REV3L: variants seen among roughly 807,000 people sequenced by gnomAD.
REV3L encodes the protein REV3 like, DNA directed polymerase zeta catalytic subunit, also known as DNA polymerase zeta catalytic subunit.
REV3L carries 69 observed loss-of-function variants against 299.4 expected under a neutral mutation model. The ratio of observed to expected loss-of-function variants is 0.23; its 90% confidence interval spans 0.19 to 0.28. The LOEUF is 0.28. Ranked by LOEUF, REV3L falls within the 10% of genes least tolerant of loss-of-function variation. The pLI is 1.00. For synonymous variants in REV3L, 1,238 were observed against 1,271.4 expected (o/e 0.97, Z 0.56); for missense variants, 3,128 against 3,693.8 (o/e 0.85, Z 3.97).
chr6:111,343,725 T>G (rs1004539864), intron 21 of REV3L, among the ~76,000 whole-genome samples, 200 bp downstream of exon 21: 1 of 152,178 alleles, frequency 6.6e-6, no homozygotes, highest in African/African-American at 2.4e-5. Flanking sequence ...AGATGGGGTT[T>G]CACCATGTTG....
intron 1 of REV3L, among the ~76,000 whole-genome samples, chr6:111,417,096 A>G (rs1784854391): frequency 6.6e-6 from 1 of 152,156 alleles, no homozygotes; most frequent in Non-Finnish European, 1.5e-5. Flanking sequence ...TAAATTTTAT[A>G]TTTGGTGGTA....
chr6:111,374,765 GTC>G lies in REV3L; in HGVS notation c.3588_3589del (p.Gln1196HisfsTer3). The G allele has an allele frequency of 6.2e-7, 1 of 1,611,792 alleles. No homozygotes were observed. The highest frequency in any genetic ancestry group is 8.5e-7 in the Non-Finnish European group (1 of 1,179,382). ...TTTTCCATCATCTACTAGTTTATTT[GTC>G]TGATTTCGTTTGTTCCTTTTCTTAG... On this transcript the variant is annotated frameshift_variant, in exon 13 of 32. Transcript: ENST00000368802. LOFTEE classifies it high-confidence loss of function.
At chr6:111,363,674 T>G (rs1015258768) in intron 16 of REV3L, among the ~76,000 whole-genome samples, 179 bp downstream of exon 16, 1 of 152,114 alleles carries the variant, frequency 6.6e-6, no homozygotes, top group East Asian at 1.9e-4. Context: ...TGCTTTAAGT[T>G]TATGTATTGT....
chr6:111,462,728 T>C (rs1183683035), intron 1 of REV3L, among the ~76,000 whole-genome samples: 1 of 152,188 alleles, frequency 6.6e-6, no homozygotes, highest in Admixed American at 6.5e-5. Flanking sequence ...ATGATCACTT[T>C]GGAAAACAAT....
Position 111,309,741 on chromosome 6 carries a change from CT to C in REV3L, c.9042+111del, listed in dbSNP as rs1180925107. 7.2e-6 allele frequency: 9 copies of C among 1,249,148 alleles called. No homozygotes were observed. In the East Asian group the frequency reaches 2.3e-4, roughly 31 times the overall value. The allele number at this position is 1,249,148 out of a possible 1,614,324, so 77.4% of individuals were successfully genotyped here. On this transcript the variant is annotated intron_variant, in intron 30 of 31. Transcript: ENST00000368802. ...CCGTATCATTTTACGGGACCACACTCTTCCCTTCCCAGCACTCCCATATCAA... is the reference window on the plus strand; with the variant it reads ...CCGTATCATTTTACGGGACCACACTCTCCCTTCCCAGCACTCCCATATCAA...
chr6:111,380,803 A>C (rs1458619367), intron 10 of REV3L, among the ~76,000 whole-genome samples: 6 of 152,242 alleles, frequency 3.9e-5, no homozygotes, highest in Admixed American at 3.9e-4. Context: ...GGTACAGCTC[A>C]GCACTGTCAG....
At chr6:111,378,560 CG>C (rs1223913338) in intron 11 of REV3L, among the ~76,000 whole-genome samples, 2 of 152,030 alleles carry the variant, frequency 1.3e-5, no homozygotes, top group African/African-American at 4.8e-5. Flanking sequence ...CTACCCAATG[CG>C]AAAACCTCAT....
intron 20 of REV3L, among the ~76,000 whole-genome samples, chr6:111,348,204 C>T (rs1051280762): frequency 6.6e-6 from 1 of 152,128 alleles, no homozygotes; most frequent in Non-Finnish European, 1.5e-5. Context: ...CCTCCTACCT[C>T]GGCCTCCCAA....
At position 111,303,700 on chromosome 6, in the gene REV3L, A is replaced by T. The variant is rs1394586480; in HGVS notation, c.9253-3544T>A. 1.7e-3 allele frequency among the ~76,000 whole-genome samples: 13 copies of T among 7,574 alleles called. 4 individuals carry two copies. The highest frequency in any genetic ancestry group is 3.1e-3 in the Non-Finnish European group (12 of 3,906). The allele number at this position is 7,574 out of a possible 152,430, so 5.0% of individuals were successfully genotyped here. On this transcript the variant is annotated intron_variant, in intron 31 of 31. Transcript: ENST00000368802. The stretch of plus-strand genomic sequence containing the variant: ...TTTTTTTTTTTTTTAACAGACTATG[A>T]CTTTTTTTTTTTTTTTTTTTTTTTT...
Position 111,383,937 on chromosome 6 carries a change from T to C in REV3L, c.1097-2493A>G, listed in dbSNP as rs956285664. Among the ~76,000 whole-genome samples the C allele has an allele frequency of 7.9e-5, 12 of 152,018 alleles. 1 individual carries two copies. In the East Asian group the frequency reaches 2.3e-3, roughly 29 times the overall value. On this transcript the variant is annotated intron_variant, in intron 9 of 31. Transcript: ENST00000368802. The stretch of plus-strand genomic sequence containing the variant: ...CACAGACCAATGGAATAGAGAACCC[T>C]GAAATAAATTCATGACTGCAGTGAA...
At chr6:111,447,842 A>G (rs1789036888) in intron 1 of REV3L, among the ~76,000 whole-genome samples, 1 of 152,224 alleles carries the variant, frequency 6.6e-6, no homozygotes, top group Admixed American at 6.5e-5. Context: ...GATGAATCAT[A>G]TTATTTAATA....
At chr6:111,358,762 C>T (rs1465700791) in intron 17 of REV3L, 60 bp downstream of exon 17, 2 of 1,300,492 alleles carry the variant, frequency 1.5e-6, no homozygotes, top group African/African-American at 1.5e-5. Flanking sequence ...CACAGGAATT[C>T]CCCATTAAAA....
chr6:111,421,005 G>A (rs1452521670), intron 1 of REV3L, among the ~76,000 whole-genome samples: 3 of 152,140 alleles, frequency 2.0e-5, no homozygotes, highest in Non-Finnish European at 4.4e-5. Context: ...CCAGGTGCCT[G>A]TAGTCCCAGA....
intron 27 of REV3L, among the ~76,000 whole-genome samples, chr6:111,314,735 TG>T (rs1480486403): frequency 2.0e-5 from 3 of 152,172 alleles, no homozygotes. Context: ...CCATTAAGTT[TG>T]GGGTGATCTG....
Position 111,372,911 on chromosome 6 carries a change from T to C in REV3L, c.5444A>G (p.Asn1815Ser), listed in dbSNP as rs189752287. Residue 1815 changes from asparagine to serine, a missense_variant, in exon 13 of 32, where the codon AAT becomes AGT. By Grantham distance (46) the Asn-to-Ser change is conservative. Around this residue, in one of 9 missense-constraint regions of REV3L, gnomAD observed 2,409 missense variants for 2,611.8 expected, o/e 0.92. Transcript: ENST00000368802. ...KEMGQSLDSANTSFTAILSSP... is the reference protein window; with the variant it reads ...KEMGQSLDSASTSFTAILSSP... ...GGAGAGTATTGCAGTAAAAGAGGTA[T>C]TGGCTGAGTCAAGAGACTGTCCCAT... 8.2e-5 allele frequency: 133 copies of C among 1,614,112 alleles called. No individual in the cohort carries two copies. Among genetic ancestry groups the C allele is most frequent in the Middle Eastern group, 3.3e-4 (2 of 6,062 alleles).
rs752920500 is a variant in REV3L, at chr6:111,367,634, T to C, written c.6154A>G (p.Lys2052Glu). The C allele has an allele frequency of 1.9e-6, 3 of 1,614,192 alleles. No individual in the cohort carries two copies. Among genetic ancestry groups the C allele is most frequent in the South Asian group, 2.2e-5 (2 of 91,086 alleles). ...NPDDKPVVPP[K>E]MDVSPCILPT... ...AGTATACATGGACTTACATCCATTTTTGGAGGCACTACAGGTTTGTCATCT... is the reference window on the plus strand; with the variant it reads ...AGTATACATGGACTTACATCCATTTCTGGAGGCACTACAGGTTTGTCATCT... The change falls in exon 14 of 32, where the codon AAA becomes GAA. Residue 2052 changes from lysine to glutamate, a missense_variant. Physicochemically the swap from Lys to Glu is moderately conservative, Grantham distance 56. This residue lies in a region of REV3L where 2,409 missense variants were observed against 2,611.8 expected (regional missense o/e 0.92). Coordinates refer to ENST00000368802, the MANE Select transcript of REV3L (RefSeq NM_001372078.1).
chr6:111,425,104 G>C (rs985442093), intron 1 of REV3L, among the ~76,000 whole-genome samples: 5 of 152,164 alleles, frequency 3.3e-5, no homozygotes, highest in Admixed American at 6.5e-5. Context: ...TGAGAAAAGA[G>C]GCATTTAAAG....
At chr6:111,431,141 C>T (rs60132033) in intron 1 of REV3L, 38 of 1,527,118 alleles carry the variant, frequency 2.5e-5, no homozygotes, top group Middle Eastern at 4.7e-4. Flanking sequence ...ACAGATCTTC[C>T]AAGCGATCTC....
Position 111,307,392 on chromosome 6 carries a change from T to C in REV3L, c.9221A>G (p.Glu3074Gly), listed in dbSNP as rs774246453. The change falls in exon 31 of 32, where the codon GAG becomes GGG. Residue 3074 changes from glutamate to glycine, a missense_variant. Transcript: ENST00000368802. ...VAVILNQEIR[E>G]LERQQEQLVK... is the part of the protein sequence containing the mutation. ...AAGTTGCTCCTGTTGACGTTCCAAC[T>C]CCCGGATTTCTTGGTTGAGGATGAC... The C allele has an allele frequency of 1.9e-6, 3 of 1,614,100 alleles. No homozygotes were observed. In the Admixed American group the frequency reaches 5.0e-5, roughly 27 times the overall value.
Sources: gnomAD v4.1 joint callset for allele counts (sites outside exome capture counted in the v4.1 genomes callset) on GRCh38, gnomAD v4.1.1 for gene constraint, gnomAD v4.1.1 regional missense constraint, MANE v1.5 for transcripts, NCBI Gene and HGNC (gene_info 2026-07-23, HGNC 2026-07-21) for gene names.